AKR1D1: variants seen among roughly 807,000 people sequenced by gnomAD.
The protein encoded by AKR1D1 is delta(4)-3-ketosteroid 5-beta-reductase.
Under a neutral mutation model 42.6 loss-of-function variants are expected in AKR1D1, and 32 were observed. The ratio of observed to expected loss-of-function variants is 0.75; its 90% confidence interval spans 0.57 to 1.01. The LOEUF (loss-of-function observed/expected upper bound fraction) is 1.01, where lower values mean the gene tolerates loss of function less well. Among genes scored for constraint, AKR1D1 ranks in the 50% least tolerant of loss-of-function variants. AKR1D1 has a pLI of 0.00. For missense variants in AKR1D1, 364 were observed against 402.2 expected, an observed-to-expected ratio of 0.91 and a Z score of 0.81; for synonymous variants, 123 against 135.5, an observed-to-expected ratio of 0.91 and a Z score of 0.64.
intron 1 of AKR1D1, among the ~76,000 whole-genome samples, chr7:138,084,980 C>T (rs1340257612): frequency 3.0e-5 from 4 of 133,748 alleles, no homozygotes; most frequent in African/African-American, 1.1e-4. Flanking sequence ...CGCTTGAACC[C>T]GGGAGGCAGA....
At chr7:138,081,586 C>G (rs766600950) in intron 1 of AKR1D1, among the ~76,000 whole-genome samples, 7 of 122,700 alleles carry the variant, frequency 5.7e-5, no homozygotes, top group Non-Finnish European at 9.5e-5. Flanking sequence ...AGTGCAATGG[C>G]ACGATCGATC....
At chr7:138,088,991 A>G (rs1186270917) in intron 2 of AKR1D1, among the ~76,000 whole-genome samples, 1 of 152,146 alleles carries the variant, frequency 6.6e-6, no homozygotes, top group African/African-American at 2.4e-5. Context: ...TATCATATTA[A>G]CGAATTATTT....
intron 1 of AKR1D1, among the ~76,000 whole-genome samples, chr7:138,086,326 A>G (rs1803177767): frequency 6.6e-6 from 1 of 152,164 alleles, no homozygotes; most frequent in African/African-American, 2.4e-5. Context: ...CACACTTGTC[A>G]TTCATAACAT....
At chr7:138,092,780 A>G (rs145059274) in intron 3 of AKR1D1, among the ~76,000 whole-genome samples, 3 of 152,282 alleles carry the variant, frequency 2.0e-5, no homozygotes, top group Non-Finnish European at 4.4e-5. Flanking sequence ...GGCATAAAAG[A>G]TAAGATACAC....
chr7:138,112,827 T>C (rs1224374216), intron 7 of AKR1D1, among the ~76,000 whole-genome samples: 1 of 150,122 alleles, frequency 6.7e-6, no homozygotes, highest in East Asian at 2.0e-4. Flanking sequence ...TAAAAGGAAG[T>C]GAAAAAATAT....
At position 138,088,739 on chromosome 7, in the gene AKR1D1, C is replaced by T. The variant is rs368152787; in HGVS notation, c.232C>T (p.Arg78Trp). 16 of 1,607,968 alleles carry T rather than the reference C, an allele frequency of 1.0e-5. No homozygotes were observed. Among genetic ancestry groups the T allele is most frequent in the African/African-American group, 9.4e-5 (7 of 74,818 alleles). The change falls in exon 2 of 9, where the codon CGG becomes TGG. Residue 78 changes from arginine to tryptophan, a missense_variant. Physicochemically the swap from Arg to Trp is moderately radical, Grantham distance 101. Transcript: ENST00000242375. ...GGAGAAGATAGCAGAAGGAAAGGTG[C>T]GGAGGGAAGATATCTTCTACTGTGG... is the stretch of plus-strand genomic sequence containing the variant. ...IREKIAEGKV[R>W]REDIFYCGKL...
intron 7 of AKR1D1, among the ~76,000 whole-genome samples, chr7:138,110,480 C>T (rs529829617): frequency 9.9e-5 from 15 of 152,130 alleles, no homozygotes; most frequent in African/African-American, 3.4e-4. Context: ...AGGCTGGGTG[C>T]GGTGGCTCAC....
At chr7:138,105,277 T>A (rs1361725800) in intron 4 of AKR1D1, 30 bp from the exon 5 acceptor site, 1 of 1,614,062 alleles carries the variant, frequency 6.2e-7, no homozygotes, top group Non-Finnish European at 8.5e-7. Flanking sequence ...GTGAGGCTTG[T>A]TTGTTGACCT....
At chr7:138,095,281 T>C (rs1317517933) in intron 3 of AKR1D1, among the ~76,000 whole-genome samples, 1 of 152,150 alleles carries the variant, frequency 6.6e-6, no homozygotes, top group Admixed American at 6.5e-5. Context: ...AGCAGAAATG[T>C]GGGTCATAAG....
intron 4 of AKR1D1, among the ~76,000 whole-genome samples, chr7:138,099,472 T>C (rs1030320377): frequency 2.6e-5 from 4 of 151,876 alleles, no homozygotes; most frequent in African/African-American, 4.8e-5. Flanking sequence ...AACAACATTT[T>C]AAAAAACAAG....
intron 2 of AKR1D1, among the ~76,000 whole-genome samples, chr7:138,090,758 C>G (rs1254263871): frequency 6.6e-6 from 1 of 152,028 alleles, no homozygotes; most frequent in Admixed American, 6.6e-5. Flanking sequence ...TATAAGCAAC[C>G]TTGGCACCGT....
At chr7:138,090,601 C>A (rs559640136) in intron 2 of AKR1D1, among the ~76,000 whole-genome samples, 1 of 148,908 alleles carries the variant, frequency 6.7e-6, no homozygotes, top group East Asian at 2.0e-4. Context: ...CAAGCCACTG[C>A]GCTCCAGCCT....
At chr7:138,080,660 T>C (rs577778936) in intron 1 of AKR1D1, among the ~76,000 whole-genome samples, 1 of 152,318 alleles carries the variant, frequency 6.6e-6, no homozygotes, top group East Asian at 1.9e-4. Context: ...CCTGTCTAAT[T>C]AACCATCTCT....
chr7:138,092,361 C>A (rs528977325), intron 3 of AKR1D1, among the ~76,000 whole-genome samples: 1 of 152,288 alleles, frequency 6.6e-6, no homozygotes, highest in Non-Finnish European at 1.5e-5. Context: ...TTTGTTAATG[C>A]TGACTCTTGT....
Position 138,107,403 on chromosome 7 carries a change from G to C in AKR1D1, c.690-12G>C. ...GCAAACTAATTATGATGCATGTTTT[G>C]ATATTTTTAAGGGTGAATGTTTCTT... On this transcript the variant is annotated splice_polypyrimidine_tract_variant and intron_variant, in intron 6 of 8. Transcript: ENST00000242375. 6.2e-7 allele frequency: 1 copy of C among 1,613,544 alleles called. No homozygotes were observed. The highest frequency in any genetic ancestry group is 8.5e-7 in the Non-Finnish European group (1 of 1,179,508).
chr7:138,102,371 C>T (rs1337298309), intron 4 of AKR1D1, among the ~76,000 whole-genome samples: 1 of 152,036 alleles, frequency 6.6e-6, no homozygotes, highest in Non-Finnish European at 1.5e-5. Flanking sequence ...AGTTCAAGAC[C>T]AGCATGGGGA....
chr7:138,098,091 G>C, intron 4 of AKR1D1, 148 bp downstream of exon 4: 1 of 682,252 alleles, frequency 1.5e-6, no homozygotes, highest in South Asian at 1.7e-5. Context: ...ATAAGTACAG[G>C]TATATGAAAT....
rs1040915481 is a variant in AKR1D1 at position 138,118,239 on chromosome 7, A to AT, written c.*1578dup. Among the ~76,000 whole-genome samples, 1 of 152,212 alleles carries AT rather than the reference A, an allele frequency of 6.6e-6. No individual in the cohort carries two copies. Among genetic ancestry groups the AT allele is most frequent in the African/African-American group, 2.4e-5 (1 of 41,452 alleles). Reference sequence around the variant, plus strand: ...TTCACTGATTCCAATATTATTACTTATAACACTGACCTCTGGAAAATATTT... The same window carrying AT: ...TTCACTGATTCCAATATTATTACTTATTAACACTGACCTCTGGAAAATATTT... On this transcript the variant is annotated 3_prime_UTR_variant, in exon 9 of 9. Transcript: ENST00000242375.
At chr7:138,093,586 A>G (rs189547940) in intron 3 of AKR1D1, among the ~76,000 whole-genome samples, 54 of 152,244 alleles carry the variant, frequency 3.5e-4, no homozygotes, top group Middle Eastern at 3.4e-3. Flanking sequence ...AATAACACGC[A>G]TGGAGCTGCC....
Sources: gnomAD v4.1 joint callset for allele counts (sites outside exome capture counted in the v4.1 genomes callset) on GRCh38, gnomAD v4.1.1 for gene constraint, MANE v1.5 for transcripts, NCBI Gene and HGNC (gene_info 2026-07-23, HGNC 2026-07-21) for gene names.